The following ASH2L variants were observed in gnomAD, a reference collection of about 807,000 sequenced individuals.
ASH2L encodes the protein ASH2 like, histone lysine methyltransferase complex subunit.
In ASH2L, 30 loss-of-function variants were observed where a neutral mutation model predicts 81.1. The observed-to-expected ratio is 0.37, with a 90% CI of 0.28 to 0.50. ASH2L has a LOEUF of 0.50. ASH2L is among the 20% of genes least tolerant of loss of function. ASH2L has a pLI of 0.95. For synonymous variants in ASH2L, 273 were observed against 279.9 expected, an observed-to-expected ratio of 0.98 and a Z score of 0.24; for missense variants, 559 against 792.1, an observed-to-expected ratio of 0.71 and a Z score of 3.53.
intron 13 of ASH2L, 33 bp downstream of exon 13, chr8:38,133,579 A>T: frequency 6.6e-7 from 1 of 1,510,802 alleles, no homozygotes; most frequent in Non-Finnish European, 9.0e-7. Context: ...TTAGAATCAT[A>T]AGGCCTTGAG....
chr8:38,119,610 A>G (rs763735839), intron 9 of ASH2L, among the ~76,000 whole-genome samples: 1 of 152,052 alleles, frequency 6.6e-6, no homozygotes, highest in Non-Finnish European at 1.5e-5. Context: ...GTTTGAGACC[A>G]GCCTGGCCAA....
Position 38,135,701 on chromosome 8 carries a change from G to T in ASH2L, c.1654G>T (p.Val552Leu). 1 of 1,613,156 alleles carries T rather than the reference G, an allele frequency of 6.2e-7. No individual in the cohort carries two copies. The highest frequency in any genetic ancestry group is 8.5e-7 in the Non-Finnish European group (1 of 1,179,364). Residue 552 changes from valine to leucine, a missense_variant, in exon 14 of 16, where the codon GTG (valine) becomes TTG (leucine). By Grantham distance (32) the Val-to-Leu change is conservative. Around this residue, in one of 4 missense-constraint regions of ASH2L, gnomAD observed 95 missense variants for 130.7 expected, o/e 0.73. Transcript: ENST00000343823. ...TTATAAAAATGGTGTCAATCAAGGTGTGGCTTACAAAGATATTTTTGAGGG... is the reference window on the plus strand; with the variant it reads ...TTATAAAAATGGTGTCAATCAAGGTTTGGCTTACAAAGATATTTTTGAGGG... ...IFYKNGVNQG[V>L]AYKDIFEGVY...
At chr8:38,108,185 G>C (rs1810534694) in intron 3 of ASH2L, among the ~76,000 whole-genome samples, 1 of 152,132 alleles carries the variant, frequency 6.6e-6, no homozygotes, top group South Asian at 2.1e-4. Context: ...CATGTGACTT[G>C]TGATTTAGGA....
Position 38,139,753 on chromosome 8 carries a change from C to T in ASH2L, c.*682C>T, listed in dbSNP as rs757640743. 2.6e-5 allele frequency: 4 copies of T among 152,070 alleles called. No homozygotes were observed. Among genetic ancestry groups the T allele is most frequent in the Non-Finnish European group, 5.9e-5 (4 of 68,014 alleles). 9.4% of individuals were successfully genotyped at this position (152,070 alleles called of 1,614,324 possible). A position where few individuals can be genotyped will look rare whatever the true frequency, so the allele number is the denominator to read the frequency against. On this transcript the variant is annotated 3_prime_UTR_variant, in exon 16 of 16. Transcript: ENST00000343823. ...TTGGGTGCCTCTTGGTGACAGTGTT[C>T]AGAAATGTAAGCAGCACGAGGAAGG...
chr8:38,121,617 T>C (rs2130525554), intron 10 of ASH2L, among the ~76,000 whole-genome samples: 1 of 152,226 alleles, frequency 6.6e-6, no homozygotes, highest in Non-Finnish European at 1.5e-5. Flanking sequence ...ATTATAGTCT[T>C]TAACAGTTCC....
intron 12 of ASH2L, among the ~76,000 whole-genome samples, chr8:38,129,569 C>T (rs533869412): frequency 1.3e-5 from 2 of 152,266 alleles, no homozygotes; most frequent in South Asian, 4.1e-4. Flanking sequence ...GTGATCACAC[C>T]ACTGCACTCC....
chr8:38,115,952 C>T (rs79288956), intron 7 of ASH2L, among the ~76,000 whole-genome samples: 1 of 151,920 alleles, frequency 6.6e-6, no homozygotes, highest in South Asian at 2.1e-4. Context: ...TCAGACTGTG[C>T]ATGGTGGCTC....
At chr8:38,107,744 C>A (rs74808703) in intron 3 of ASH2L, among the ~76,000 whole-genome samples, 1 of 151,934 alleles carries the variant, frequency 6.6e-6, no homozygotes, top group Non-Finnish European at 1.5e-5. Context: ...TTGTACTGCT[C>A]GCTCTCTGTA....
chr8:38,110,624 G>C (rs911295376), intron 4 of ASH2L, 115 bp from the exon 5 acceptor site: 14 of 1,141,890 alleles, frequency 1.2e-5, no homozygotes, highest in African/African-American at 4.6e-5. Context: ...CAGGTCACAT[G>C]ATGACTCCAT....
At chr8:38,111,624 G>A (rs1026779528) in intron 5 of ASH2L, among the ~76,000 whole-genome samples, 1 of 149,798 alleles carries the variant, frequency 6.7e-6, no homozygotes, top group Non-Finnish European at 1.5e-5. Flanking sequence ...GTACTCAAGT[G>A]ATCCGTCCGC....
At chr8:38,138,313 CG>C (rs752564180) in intron 14 of ASH2L, 2 of 153,334 alleles carry the variant, frequency 1.3e-5, no homozygotes, top group Non-Finnish European at 2.9e-5. Flanking sequence ...AGGGGAAATG[CG>C]GGCTGGAGGG....
chr8:38,116,810 C>T, intron 8 of ASH2L, 85 bp downstream of exon 8: 2 of 1,138,824 alleles, frequency 1.8e-6, no homozygotes, highest in Non-Finnish European at 2.5e-6. Flanking sequence ...TTTGGGTTGA[C>T]CCTTAACCTG....
At chr8:38,111,915 ATCC>A (rs1810697324) in intron 5 of ASH2L, among the ~76,000 whole-genome samples, 1 of 152,218 alleles carries the variant, frequency 6.6e-6, no homozygotes, top group Non-Finnish European at 1.5e-5. Flanking sequence ...TGTTAATAAT[ATCC>A]TCCTCTATAG....
chr8:38,108,942 C>T (rs983781425), intron 3 of ASH2L, among the ~76,000 whole-genome samples: 4 of 152,050 alleles, frequency 2.6e-5, no homozygotes, highest in Non-Finnish European at 4.4e-5. Flanking sequence ...ATTAGCTGGG[C>T]GTGGTGGTTC....
intron 10 of ASH2L, among the ~76,000 whole-genome samples, chr8:38,122,086 A>G (rs940000040): frequency 2.0e-5 from 3 of 152,220 alleles, no homozygotes; most frequent in African/African-American, 7.2e-5. Flanking sequence ...GATTATTTAT[A>G]TCAGTATGGA....
At chr8:38,106,497 C>A (rs1810439108) in intron 2 of ASH2L, 53 bp downstream of exon 2, 74 of 1,249,894 alleles carry the variant, frequency 5.9e-5, no homozygotes, top group Non-Finnish European at 6.6e-5. Flanking sequence ...TTAGTTATTT[C>A]TTCTTCTTCT....
At chr8:38,136,603 C>T (rs1481775039) in intron 14 of ASH2L, among the ~76,000 whole-genome samples, 3 of 151,280 alleles carry the variant, frequency 2.0e-5, no homozygotes, top group East Asian at 1.9e-4. Flanking sequence ...GGCGAAACCC[C>T]GTCTCTACTG....
At chr8:38,124,181 T>C (rs1801740663) in intron 10 of ASH2L, 1 of 152,096 alleles carries the variant, frequency 6.6e-6, no homozygotes, top group Admixed American at 6.6e-5. Context: ...GTGCTATATA[T>C]ATAGTCTTTG....
chr8:38,114,210 G>T lies in ASH2L; in HGVS notation c.604G>T (p.Asp202Tyr). Residue 202 changes from aspartate to tyrosine, a missense_variant, in exon 6 of 16, where the codon GAT (aspartate) becomes TAT (tyrosine). Coordinates refer to ENST00000343823, the MANE Select transcript of ASH2L (RefSeq NM_004674.5). ...SKDKDIIPFI[D>Y]KYWECMTTRQ... ...AAATTAGGATATTATACCATTTATT[G>T]ATAAATACTGGGAGTGCATGACAAC... The T allele has an allele frequency of 6.3e-7, 1 of 1,587,838 alleles. No homozygotes were observed. The highest frequency in any genetic ancestry group is 1.2e-5 in the South Asian group (1 of 86,532).
Sources: gnomAD v4.1 joint callset for allele counts (sites outside exome capture counted in the v4.1 genomes callset) on GRCh38, gnomAD v4.1.1 for gene constraint, gnomAD v4.1.1 regional missense constraint, MANE v1.5 for transcripts, NCBI Gene and HGNC (gene_info 2026-07-23, HGNC 2026-07-21) for gene names.